The following SLC12A2 variants were observed in gnomAD, a reference collection of about 807,000 sequenced individuals.
SLC12A2 encodes Na-K-2Cl cotransporter 1.
SLC12A2 carries 67 observed loss-of-function variants against 136.3 expected under a neutral mutation model. The ratio of observed to expected loss-of-function variants is 0.49; its 90% CI spans 0.40 to 0.60. SLC12A2 has a LOEUF of 0.60. SLC12A2 is among the 20% of genes least tolerant of loss of function. SLC12A2 has a pLI of 0.00. For missense variants in SLC12A2, 1,322 were observed against 1,534.7 expected, an observed-to-expected ratio of 0.86 and a Z score of 2.32; for synonymous variants, 619 against 562.9, an observed-to-expected ratio of 1.10 and a Z score of -1.41.
intron 19 of SLC12A2, among the ~76,000 whole-genome samples, chr5:128,173,504 CATT>C (rs1763445718): frequency 6.6e-6 from 1 of 152,250 alleles, no homozygotes; most frequent in Non-Finnish European, 1.5e-5. Context: ...TATTATTCAT[CATT>C]AAGTTTTAAA....
intron 5 of SLC12A2, 33 bp from the exon 6 acceptor site, chr5:128,134,132 A>G (rs779691942): frequency 3.6e-5 from 40 of 1,123,066 alleles, no homozygotes; most frequent in Non-Finnish European, 5.1e-5. Flanking sequence ...AATAACTAGT[A>G]TTGCTTATTA....
chr5:128,171,431 G>A (rs1763372654), intron 18 of SLC12A2, among the ~76,000 whole-genome samples: 1 of 152,100 alleles, frequency 6.6e-6, no homozygotes, highest in African/African-American at 2.4e-5. Flanking sequence ...TAGGTATAAT[G>A]TCAGTACAAC....
intron 1 of SLC12A2, among the ~76,000 whole-genome samples, chr5:128,111,182 AC>A (rs1471834833): frequency 1.3e-5 from 2 of 152,196 alleles, no homozygotes; most frequent in Non-Finnish European, 2.9e-5. Context: ...TTATAATAAA[AC>A]TACCTTTATT....
rs773018648 is a variant in SLC12A2, at chr5:128,084,362, G to A, written c.408G>A (p.Lys136=). ...CGGCTAAAGGCAGCGAGGAAGCCAA[G>A]GGCCGCTTCCGCGTGAACTTCGTGG... ...SEPAKGSEEA[K]GRFRVNFVDP... The change falls in exon 1 of 27, where the codon AAG becomes AAA. Residue 136 remains lysine, a synonymous_variant. Coordinates refer to ENST00000262461, the MANE Select transcript of SLC12A2 (RefSeq NM_001046.3). This position sits in a 1 kb window ranked among gnomAD's most constrained non-coding sequence, Gnocchi z 5.6. The A allele has an allele frequency of 2.5e-6, 4 of 1,600,536 alleles. No homozygotes were observed. The South Asian group carries it at 3.3e-5, about 13-fold the overall frequency.
Position 128,098,542 on chromosome 5 carries a change from T to G in SLC12A2, c.756+13832T>G, listed in dbSNP as rs77065910. On this transcript the variant is annotated intron_variant, in intron 1 of 26. Transcript: ENST00000262461. The stretch of plus-strand genomic sequence containing the variant: ...TTACATTTTCCTGTTTATTTGGATG[T>G]CTAGCAGTTTTTTATATGGAAACTG... Among the ~76,000 whole-genome samples the G allele has an allele frequency of 1.4e-4, 22 of 152,086 alleles. No homozygotes were observed. The East Asian group carries it at 3.7e-3, about 25-fold the overall frequency.
rs887048489 is a variant in SLC12A2, at chr5:128,118,959, G to A, written c.1048+4278G>A. The stretch of plus-strand genomic sequence containing the variant: ...AAGGAACCCTTCTTATTCAAGGCTC[G>A]AAAAAAGATGGAGAGGAGAGTTAAT... On this transcript the variant is annotated intron_variant, in intron 4 of 26. Coordinates refer to ENST00000262461, the MANE Select transcript of SLC12A2 (RefSeq NM_001046.3). Among the ~76,000 whole-genome samples, 6 of 152,096 alleles carry A rather than the reference G, an allele frequency of 3.9e-5. No homozygotes were observed. In the South Asian group the frequency reaches 6.2e-4, roughly 16 times the overall value.
chr5:128,157,879 T>A, intron 15 of SLC12A2, 174 bp from the exon 16 acceptor site: 1 of 525,776 alleles, frequency 1.9e-6, no homozygotes, highest in Non-Finnish European at 3.3e-6. Flanking sequence ...AGATTTTGTT[T>A]CTGCATTTCT....
chr5:128,167,282 G>T (rs1169230356), intron 17 of SLC12A2, among the ~76,000 whole-genome samples: 1 of 152,094 alleles, frequency 6.6e-6, no homozygotes, highest in Non-Finnish European at 1.5e-5. Flanking sequence ...ACTGAGGAAG[G>T]AAATTAACTA....
rs562493113 is a variant in SLC12A2 at position 128,113,862 on chromosome 5, TTGAC to T, written c.877-346_877-343del. On this transcript the variant is annotated intron_variant, in intron 2 of 26. Transcript: ENST00000262461. ...TAAAAGAATAAGCAAAAGTTAAACT[TTGAC>T]TGATAAAAGGGAATATGCACTACTT... Among the ~76,000 whole-genome samples the T allele has an allele frequency of 3.2e-3, 492 of 152,308 alleles. 3 individuals carry two copies. The highest frequency in any genetic ancestry group is 0.011 in the African/African-American group (458 of 41,572).
At chr5:128,143,180 C>T (rs566486875) in intron 10 of SLC12A2, among the ~76,000 whole-genome samples, 17 of 151,978 alleles carry the variant, frequency 1.1e-4, no homozygotes, top group Non-Finnish European at 1.8e-4. Context: ...GTTAGATTTA[C>T]GAGTAAGTAT....
chr5:128,123,479 T>C (rs1201654219), intron 4 of SLC12A2, among the ~76,000 whole-genome samples: 2 of 152,170 alleles, frequency 1.3e-5, no homozygotes, highest in African/African-American at 4.8e-5. Context: ...TCCGTATCTG[T>C]ATCCTCACCA....
chr5:128,149,852 A>G (rs1049054103), intron 12 of SLC12A2, 145 bp from the exon 13 acceptor site: 5 of 666,052 alleles, frequency 7.5e-6, no homozygotes, highest in Non-Finnish European at 1.3e-5. Context: ...TATATGAGGC[A>G]TATATGGCAA....
intron 4 of SLC12A2, among the ~76,000 whole-genome samples, chr5:128,118,983 ATGGTTTAAAACAAACT>A (rs1581080197): frequency 6.6e-6 from 1 of 152,286 alleles, no homozygotes; most frequent in Non-Finnish European, 1.5e-5. Context: ...AGGAGAGTTA[ATGGTTTAAAACAAACT>A]TGGGATTCAA....
At chr5:128,114,162 G>A (rs1486764683) in intron 2 of SLC12A2, 50 bp from the exon 3 acceptor site, 3 of 1,311,624 alleles carry the variant, frequency 2.3e-6, no homozygotes, top group African/African-American at 2.9e-5. Flanking sequence ...ACTATATAAT[G>A]TTTGATTATT....
At chr5:128,102,596 C>CCCTTT (rs1561657602) in intron 1 of SLC12A2, among the ~76,000 whole-genome samples, 1 of 40,450 alleles carries the variant, frequency 2.5e-5, no homozygotes, top group Non-Finnish European at 4.9e-5. Flanking sequence ...CCCCCCCCGC[C>CCCTTT]TTTTTTTTTT....
intron 1 of SLC12A2, among the ~76,000 whole-genome samples, chr5:128,094,660 G>GA (rs1760457020): frequency 6.6e-6 from 1 of 151,854 alleles, no homozygotes; most frequent in African/African-American, 2.4e-5. Flanking sequence ...CTTCCTAGTA[G>GA]AAAAATGTTC....
intron 4 of SLC12A2, 97 bp downstream of exon 4, chr5:128,114,778 ACATATT>A: frequency 1.3e-6 from 1 of 763,136 alleles, no homozygotes; most frequent in Non-Finnish European, 2.2e-6. Context: ...AACTGAAGCA[ACATATT>A]AAGTCTATAT....
rs530498264 is a variant in SLC12A2 at position 128,174,514 on chromosome 5, C to T, written c.2804-27C>T. ...TAACAGTTAAAATATGACTTAGATA[C>T]TATTTTAAATAATTTTCTGTCTACA... On this transcript the variant is annotated intron_variant, in intron 19 of 26. Coordinates refer to ENST00000262461, the MANE Select transcript of SLC12A2 (RefSeq NM_001046.3). The T allele has an allele frequency of 1.4e-5, 22 of 1,536,284 alleles. No individual in the cohort carries two copies. The African/African-American group carries it at 2.8e-4, about 19-fold the overall frequency.
chr5:128,136,360 C>A (rs757662750), intron 7 of SLC12A2, among the ~76,000 whole-genome samples: 3 of 152,086 alleles, frequency 2.0e-5, no homozygotes, highest in Non-Finnish European at 1.5e-5. Flanking sequence ...GTGCATGATG[C>A]AGTTTTTTAT....
Sources: gnomAD v4.1 joint callset for allele counts (sites outside exome capture counted in the v4.1 genomes callset) on GRCh38, gnomAD v4.1.1 for gene constraint, Gnocchi (gnomAD v3.1) non-coding constraint, MANE v1.5 for transcripts, NCBI Gene and HGNC (gene_info 2026-07-23, HGNC 2026-07-21) for gene names.